Variants in LGSN observed in about 807,000 individuals in gnomAD.
The protein encoded by LGSN is lengsin.
LGSN carries 21 observed loss-of-function variants against 19.5 expected under a neutral mutation model. That is an observed-to-expected ratio of 1.07 (90% confidence interval 0.76 to 1.55). The LOEUF is 1.55. Among genes scored for constraint, LGSN ranks in the 40% most tolerant of loss-of-function variants. The pLI, the probability that LGSN is intolerant of heterozygous loss-of-function variation, is 0.00. For missense variants in LGSN, 673 were observed against 608.5 expected (o/e 1.11, Z -1.12); for synonymous variants, 257 against 215.6 (o/e 1.19, Z -1.68).
intron 1 of LGSN, among the ~76,000 whole-genome samples, chr6:63,310,978 T>C (rs1768604997): frequency 6.6e-6 from 1 of 152,212 alleles, no homozygotes; most frequent in South Asian, 2.1e-4. Flanking sequence ...TCTTTGGCCC[T>C]CTAGAGAGTC....
the LGSN span, among the ~76,000 whole-genome samples, chr6:63,327,783 C>CTCTCTG: frequency 6.6e-6 from 1 of 152,080 alleles, no homozygotes; most frequent in South Asian, 2.1e-4. Context: ...ATCTTTTCCT[C>CTCTCTG]TCTCTGTCTC....
chr6:63,368,836 A>G, the LGSN span, among the ~76,000 whole-genome samples: 1 of 152,230 alleles, frequency 6.6e-6, no homozygotes, highest in South Asian at 2.1e-4. Context: ...ATATTTGCAT[A>G]CAGAATGGAT....
At chr6:63,433,929 G>T in the LGSN span, among the ~76,000 whole-genome samples, 1 of 152,180 alleles carries the variant, frequency 6.6e-6, no homozygotes, top group African/African-American at 2.4e-5. Context: ...ATCCAGTCAT[G>T]GGACTAGCAG....
At chr6:63,365,823 C>A in the LGSN span, among the ~76,000 whole-genome samples, 2 of 151,888 alleles carry the variant, frequency 1.3e-5, no homozygotes, top group South Asian at 4.1e-4. Flanking sequence ...ATAAACAGAA[C>A]CAAAGGAAAA....
chr6:63,520,540 T>C, the LGSN span, among the ~76,000 whole-genome samples: 1 of 151,990 alleles, frequency 6.6e-6, no homozygotes, highest in South Asian at 2.1e-4. Flanking sequence ...GGTAGGAGAA[T>C]CACTTGAACC....
At chr6:63,410,535 A>C in the LGSN span, among the ~76,000 whole-genome samples, 1 of 152,200 alleles carries the variant, frequency 6.6e-6, no homozygotes, top group Non-Finnish European at 1.5e-5. Context: ...GTATAAAGCC[A>C]ATAAAAGTTT....
At chr6:63,370,825 T>G in the LGSN span, among the ~76,000 whole-genome samples, 1 of 152,200 alleles carries the variant, frequency 6.6e-6, no homozygotes, top group Non-Finnish European at 1.5e-5. Flanking sequence ...ATAACAAAAT[T>G]TTTAAAATGC....
the LGSN span, among the ~76,000 whole-genome samples, chr6:63,561,599 A>G: frequency 6.6e-6 from 1 of 152,148 alleles, no homozygotes; most frequent in Non-Finnish European, 1.5e-5. Context: ...ATTCCAGGGC[A>G]CTTACAATCA....
chr6:63,282,452 G>T (rs1233782054), intron 3 of LGSN, among the ~76,000 whole-genome samples: 1 of 152,180 alleles, frequency 6.6e-6, no homozygotes, highest in African/African-American at 2.4e-5. Context: ...CAGATTTGGT[G>T]TCTGGTGAGG....
At chr6:63,312,153 C>A (rs1231101644) in intron 1 of LGSN, among the ~76,000 whole-genome samples, 1 of 152,198 alleles carries the variant, frequency 6.6e-6, no homozygotes, top group African/African-American at 2.4e-5. Context: ...AGGCTGAATA[C>A]TATCCCATTG....
chr6:63,541,467 C>T, the LGSN span, among the ~76,000 whole-genome samples: 15 of 152,002 alleles, frequency 9.9e-5, no homozygotes, highest in African/African-American at 3.6e-4. Flanking sequence ...ACAGGAAAAT[C>T]GCCTGAACCC....
chr6:63,523,170 C>G, the LGSN span, among the ~76,000 whole-genome samples: 1 of 152,026 alleles, frequency 6.6e-6, no homozygotes, highest in Non-Finnish European at 1.5e-5. Context: ...CCAGCCGAAT[C>G]ACTCTTTTAT....
chr6:63,381,217 A>G, the LGSN span, among the ~76,000 whole-genome samples: 153 of 152,266 alleles, frequency 1.0e-3, no homozygotes, highest in African/African-American at 3.4e-3. Context: ...AAGAAGAAAA[A>G]AATTTGAGAG....
the LGSN span, among the ~76,000 whole-genome samples, chr6:63,465,243 C>G: frequency 3.9e-5 from 6 of 152,070 alleles, no homozygotes; most frequent in East Asian, 1.2e-3. Flanking sequence ...TGCAATGGCT[C>G]CATCTCGGCT....
the LGSN span, among the ~76,000 whole-genome samples, chr6:63,481,275 G>T: frequency 1.3e-5 from 2 of 152,116 alleles, no homozygotes; most frequent in African/African-American, 4.8e-5. Flanking sequence ...CTTGAGTGAT[G>T]GGTACACTAA....
chr6:63,316,383 C>G (rs1232155075), intron 1 of LGSN, among the ~76,000 whole-genome samples: 1 of 152,120 alleles, frequency 6.6e-6, no homozygotes, highest in Non-Finnish European at 1.5e-5. Context: ...AAACAAATCT[C>G]ACCTCTGTGG....
At chr6:63,412,760 AAAGAAAGAAAGGAAGG>A in the LGSN span, among the ~76,000 whole-genome samples, 35 of 50,242 alleles carry the variant, frequency 7.0e-4, 1 homozygote, top group South Asian at 7.5e-3. Context: ...AGAAAGAAAG[AAAGAAAGAAAGGAAGG>A]AAGGGAAGGA....
At chr6:63,450,964 C>G in the LGSN span, among the ~76,000 whole-genome samples, 6 of 152,106 alleles carry the variant, frequency 3.9e-5, no homozygotes, top group Non-Finnish European at 1.5e-5. Flanking sequence ...TGTGAGCCAC[C>G]ACACCCGGCT....
At chr6:63,344,651 G>T in the LGSN span, among the ~76,000 whole-genome samples, 8 of 152,038 alleles carry the variant, frequency 5.3e-5, no homozygotes, top group Non-Finnish European at 8.8e-5. Context: ...AAGAATGCCT[G>T]GTGGGTCTGA....
Sources: allele counts gnomAD v4.1 joint callset (sites outside exome capture counted in the v4.1 genomes callset), GRCh38; gene constraint gnomAD v4.1.1; transcripts MANE v1.5; gene names NCBI Gene and HGNC (gene_info 2026-07-23, HGNC 2026-07-21).